DLG2: variants seen among roughly 807,000 people sequenced by gnomAD.
DLG2 encodes discs large MAGUK scaffold protein 2, also known as disks large homolog 2.
A neutral mutation model predicts 132.5 loss-of-function variants in DLG2; 45 were observed. The ratio of observed to expected loss-of-function variants is 0.34; its 90% CI spans 0.27 to 0.44. The LOEUF is 0.44. DLG2 is among the 20% of genes least tolerant of loss of function. The probability of loss-of-function intolerance (pLI) is 1.00; values close to 1 mark genes in which losing one functional copy is unlikely to be tolerated. For missense variants in DLG2, 1,045 were observed against 1,196.9 expected (o/e 0.87, Z 1.87); for synonymous variants, 424 against 419.6 (o/e 1.01, Z -0.13).
intron 18 of DLG2, chr11:83,684,375 G>C (rs1256514617): frequency 1.3e-5 from 2 of 152,126 alleles, no homozygotes; most frequent in Non-Finnish European, 2.9e-5. Context: ...GATTTTCTTA[G>C]CTCCATGTTT....
intron 18 of DLG2, among the ~76,000 whole-genome samples, chr11:83,751,655 G>T (rs2093318950): frequency 6.6e-6 from 1 of 152,346 alleles, no homozygotes; most frequent in South Asian, 2.1e-4. Flanking sequence ...GAGAGAAAGG[G>T]AGAAGTTAAG....
chr11:84,572,882 G>T (rs2099489045), intron 6 of DLG2, among the ~76,000 whole-genome samples: 1 of 152,008 alleles, frequency 6.6e-6, no homozygotes. Flanking sequence ...TTTCCTCCAT[G>T]GGATTTGGGA....
At position 83,580,157 on chromosome 11, in the gene DLG2, A is replaced by T. The variant is rs541753034; in HGVS notation, c.1941-38299T>A. On this transcript the variant is annotated intron_variant, in intron 19 of 27. Transcript: ENST00000376104. Reference sequence around the variant, plus strand: ...TATCATCATACAACTTTATTCATTGATCTTTTTTGTGCCATTACTAATAGA... The same window carrying T: ...TATCATCATACAACTTTATTCATTGTTCTTTTTTGTGCCATTACTAATAGA... 4.8e-4 allele frequency among the ~76,000 whole-genome samples: 73 copies of T among 151,040 alleles called. No individual in the cohort carries two copies. The South Asian group carries it at 0.013, about 28-fold the overall frequency.
At chr11:84,790,427 C>T (rs11234184) in intron 6 of DLG2, among the ~76,000 whole-genome samples, 55,375 of 151,950 alleles carry the variant, frequency 0.36, 11,637 homozygotes, top group Non-Finnish European at 0.49. Flanking sequence ...CATTTTTAAT[C>T]AAATTATTGA....
rs199643846 is a variant in DLG2 at position 84,648,779 on chromosome 11, A to G, written c.358-114048T>C. ...TCTCTCTATATATACATGTGTGTGT[A>G]TATATATATATATCTCACACACACA... is the stretch of plus-strand genomic sequence containing the variant. On this transcript the variant is annotated intron_variant, in intron 6 of 27. Coordinates refer to ENST00000376104, the MANE Select transcript of DLG2 (RefSeq NM_001142699.3). Among the ~76,000 whole-genome samples the G allele has an allele frequency of 1.0e-4, 8 of 76,856 alleles. 1 individual carries two copies. The South Asian group carries it at 4.0e-3, about 39-fold the overall frequency. The allele number at this position is 76,856 out of a possible 152,430, so 50.4% of individuals were successfully genotyped here. A position where few individuals can be genotyped will look rare whatever the true frequency, so the allele number is the denominator to read the frequency against.
chr11:84,249,827 A>G (rs1030735575), intron 8 of DLG2, among the ~76,000 whole-genome samples: 1 of 152,198 alleles, frequency 6.6e-6, no homozygotes, highest in African/African-American at 2.4e-5. Flanking sequence ...ATTCTTGTTC[A>G]GAAAGATTTA....
intron 6 of DLG2, among the ~76,000 whole-genome samples, chr11:84,777,303 A>ATATATATATT (rs1555216495): frequency 1.5e-5 from 2 of 132,338 alleles, no homozygotes; most frequent in African/African-American, 5.5e-5. Flanking sequence ...ATATATATAT[A>ATATATATATT]TATATATATA....
intron 7 of DLG2, among the ~76,000 whole-genome samples, chr11:84,484,048 G>A (rs992972328): frequency 6.6e-6 from 1 of 152,114 alleles, no homozygotes; most frequent in Non-Finnish European, 1.5e-5. Context: ...CAGACCATGA[G>A]GTCATTAGAC....
intron 6 of DLG2, among the ~76,000 whole-genome samples, chr11:84,941,230 A>C (rs145795915): frequency 1.8e-3 from 278 of 152,308 alleles, no homozygotes; most frequent in African/African-American, 6.4e-3. Flanking sequence ...TTTTCACATA[A>C]AATTTTTAAG....
At chr11:84,948,612 T>C (rs1056271562) in intron 6 of DLG2, among the ~76,000 whole-genome samples, 2 of 152,214 alleles carry the variant, frequency 1.3e-5, no homozygotes, top group East Asian at 1.9e-4. Context: ...TACAGTAATA[T>C]AGATTCAAGG....
intron 4 of DLG2, among the ~76,000 whole-genome samples, chr11:85,251,490 G>A (rs1175863047): frequency 5.9e-5 from 9 of 152,004 alleles, no homozygotes; most frequent in Non-Finnish European, 7.4e-5. Flanking sequence ...TAATGCATAC[G>A]TGAAAAACTT....
chr11:84,363,745 C>T (rs1319620937), intron 7 of DLG2, among the ~76,000 whole-genome samples: 1 of 151,520 alleles, frequency 6.6e-6, no homozygotes, highest in Non-Finnish European at 1.5e-5. Flanking sequence ...CCAGTTTTCC[C>T]AGCACCATTT....
intron 6 of DLG2, among the ~76,000 whole-genome samples, chr11:84,912,644 T>C (rs1369732353): frequency 6.6e-6 from 1 of 152,230 alleles, no homozygotes; most frequent in Non-Finnish European, 1.5e-5. Context: ...ACTTTGTAAA[T>C]GGAGATGACG....
intron 6 of DLG2, among the ~76,000 whole-genome samples, chr11:84,854,386 A>G (rs755891603): frequency 3.3e-5 from 5 of 151,864 alleles, no homozygotes; most frequent in Non-Finnish European, 7.4e-5. Flanking sequence ...TTGCCTCTAG[A>G]CATTCCTGGA....
At chr11:84,237,249 G>A (rs994583172) in intron 8 of DLG2, among the ~76,000 whole-genome samples, 18 of 151,952 alleles carry the variant, frequency 1.2e-4, no homozygotes, top group African/African-American at 3.9e-4. Context: ...TTTTTGAAGC[G>A]GGAAGCAATT....
At chr11:84,216,160 C>T (rs956079491) in intron 8 of DLG2, among the ~76,000 whole-genome samples, 3 of 151,764 alleles carry the variant, frequency 2.0e-5, no homozygotes, top group African/African-American at 7.3e-5. Flanking sequence ...AAGTAATTTC[C>T]TTCTCATGCT....
chr11:84,789,953 A>G (rs1057491102), intron 6 of DLG2, among the ~76,000 whole-genome samples: 1 of 152,168 alleles, frequency 6.6e-6, no homozygotes, highest in African/African-American at 2.4e-5. Flanking sequence ...TCCATTGTGT[A>G]TATGTACCAC....
chr11:83,595,303 T>C (rs1361767829), intron 19 of DLG2, among the ~76,000 whole-genome samples: 3 of 152,200 alleles, frequency 2.0e-5, no homozygotes, highest in African/African-American at 4.8e-5. Flanking sequence ...TCTTTTCTCT[T>C]ACAATTCTCA....
chr11:85,466,872 T>C (rs1449906066), intron 3 of DLG2, among the ~76,000 whole-genome samples: 4 of 152,220 alleles, frequency 2.6e-5, no homozygotes, highest in Admixed American at 2.0e-4. Context: ...TTGATGGGGA[T>C]GGCATTGAAT....
Sources: gnomAD v4.1 joint callset for allele counts (sites outside exome capture counted in the v4.1 genomes callset) on GRCh38, gnomAD v4.1.1 for gene constraint, MANE v1.5 for transcripts, NCBI Gene and HGNC (gene_info 2026-07-23, HGNC 2026-07-21) for gene names.